Variants in PTPRG observed in about 807,000 individuals in gnomAD.
The protein encoded by PTPRG is protein tyrosine phosphatase receptor type G.
A neutral mutation model predicts 165.3 loss-of-function variants in PTPRG; 102 were observed. That is an observed-to-expected ratio of 0.62 (90% confidence interval 0.53 to 0.73). PTPRG has a LOEUF of 0.73. PTPRG is among the 30% of genes least tolerant of loss of function. PTPRG has a pLI of 0.00. For synonymous variants in PTPRG, 675 were observed against 669.5 expected (o/e 1.01, Z -0.13); for missense variants, 1,866 against 1,861.4 (o/e 1.00, Z -0.05).
chr3:62,158,252 G>A (rs1704615148), intron 7 of PTPRG, among the ~76,000 whole-genome samples: 1 of 152,052 alleles, frequency 6.6e-6, no homozygotes, highest in South Asian at 2.1e-4. Context: ...TTCTTAGGAG[G>A]GACATGTTAG....
At position 62,161,738 on chromosome 3, in the gene PTPRG, T is replaced by C. The variant is rs544097701; in HGVS notation, c.840+4514T>C. ...GGAGGGGCATGGCCCTGCATTTAGC[T>C]AGCTGTTCTTAGATTTTATGTTTGC... On this transcript the variant is annotated intron_variant, in intron 7 of 29. Transcript: ENST00000474889. Among the ~76,000 whole-genome samples, 9 of 152,362 alleles carry C rather than the reference T, an allele frequency of 5.9e-5. No individual in the cohort carries two copies. In the South Asian group the frequency reaches 1.9e-3, roughly 32 times the overall value.
At chr3:61,903,655 T>C (rs1333797505) in intron 2 of PTPRG, among the ~76,000 whole-genome samples, 1 of 152,192 alleles carries the variant, frequency 6.6e-6, no homozygotes, top group Non-Finnish European at 1.5e-5. Context: ...GTTAATTGCG[T>C]GAGCCACCGT....
chr3:61,761,170 C>T (rs538380864), intron 2 of PTPRG, among the ~76,000 whole-genome samples: 29 of 152,270 alleles, frequency 1.9e-4, no homozygotes, highest in African/African-American at 6.3e-4. Flanking sequence ...TTTGAGGAAT[C>T]GCCACACCAT....
chr3:61,768,137 T>A (rs1274355273), intron 2 of PTPRG, among the ~76,000 whole-genome samples: 1 of 152,208 alleles, frequency 6.6e-6, no homozygotes, highest in Non-Finnish European at 1.5e-5. Context: ...GTTACTAGAA[T>A]CCATGTTTAT....
chr3:62,150,892 A>G (rs961624643), intron 6 of PTPRG, among the ~76,000 whole-genome samples: 2 of 152,178 alleles, frequency 1.3e-5, no homozygotes, highest in Non-Finnish European at 2.9e-5. Flanking sequence ...TGTTCAGTGC[A>G]CTTCCACAAT....
chr3:62,087,279 G>T (rs1260972644), intron 5 of PTPRG, among the ~76,000 whole-genome samples: 3 of 152,128 alleles, frequency 2.0e-5, no homozygotes, highest in Non-Finnish European at 4.4e-5. Flanking sequence ...TCAATCCAGC[G>T]ACTTTGTTTT....
At chr3:61,673,715 C>T (rs1421924396) in intron 1 of PTPRG, among the ~76,000 whole-genome samples, 5 of 152,086 alleles carry the variant, frequency 3.3e-5, no homozygotes, top group African/African-American at 9.7e-5. Flanking sequence ...TACCTTATAC[C>T]CAGTAAGTAA....
At chr3:61,975,331 C>T (rs7649496) in intron 2 of PTPRG, among the ~76,000 whole-genome samples, 81,085 of 152,000 alleles carry the variant, frequency 0.53, 22,067 homozygotes, top group African/African-American at 0.65. Flanking sequence ...TGTGAGATGA[C>T]TCTTTGAAAG....
rs968533655 is a variant in PTPRG at position 62,245,449 on chromosome 3, T to C, written c.2467+1551T>C. Among the ~76,000 whole-genome samples the C allele has an allele frequency of 2.6e-5, 4 of 152,180 alleles. No individual in the cohort carries two copies. The highest frequency in any genetic ancestry group is 9.7e-5 in the African/African-American group (4 of 41,448). On this transcript the variant is annotated intron_variant, in intron 15 of 29. Transcript: ENST00000474889. This position sits in a 1 kb window ranked among gnomAD's most constrained non-coding sequence, Gnocchi z 4.2. ...GATTTGTCTGACACAGACTCAGTTG[T>C]TTGGTAGCTGTGTAACTGAAATCCA...
Position 62,191,641 on chromosome 3 carries a change from C to G in PTPRG, c.1206C>G (p.Ser402Arg). The change falls in exon 9 of 30, where the codon AGC becomes AGG. Residue 402 changes from serine (S) to arginine (R), a missense_variant. Physicochemically the swap from Ser to Arg is moderately radical, Grantham distance 110. Around this residue, in one of 3 missense-constraint regions of PTPRG, gnomAD observed 1,452 missense variants for 1,463.0 expected, o/e 0.99. Coordinates refer to ENST00000474889, the MANE Select transcript of PTPRG (RefSeq NM_002841.4). ...DEKEKTFTKD[S>R]DKDLKATISH... ...AGGAGAAGACGTTTACAAAGGACAG[C>G]GACAAAGACTTGGTATGAAGCCCCT... The G allele has an allele frequency of 6.2e-7, 1 of 1,613,956 alleles. No homozygotes were observed.
chr3:62,003,754 T>G (rs17817227), intron 4 of PTPRG, among the ~76,000 whole-genome samples: 30,430 of 152,164 alleles, frequency 0.2, 3,320 homozygotes, highest in Non-Finnish European at 0.25. Context: ...GTTCATCATG[T>G]GTTTCATTTG....
chr3:61,749,172 C>T, intron 2 of PTPRG, 190 bp downstream of exon 2: 2 of 685,578 alleles, frequency 2.9e-6, no homozygotes, highest in South Asian at 3.0e-5. Context: ...ATCTCTACCA[C>T]CTGTTTCCTC....
At chr3:61,659,761 C>T (rs548159187) in intron 1 of PTPRG, among the ~76,000 whole-genome samples, 7 of 152,084 alleles carry the variant, frequency 4.6e-5, no homozygotes, top group African/African-American at 1.2e-4. Flanking sequence ...TTTTCATAAC[C>T]GATTTACCTA....
intron 2 of PTPRG, among the ~76,000 whole-genome samples, chr3:61,805,659 A>G (rs2035392360): frequency 6.6e-6 from 1 of 152,094 alleles, no homozygotes; most frequent in South Asian, 2.1e-4. Flanking sequence ...AGTCTAAGTT[A>G]AAGGGCGTCA....
chr3:62,238,049 A>C (rs778876066), intron 14 of PTPRG, among the ~76,000 whole-genome samples: 12 of 152,382 alleles, frequency 7.9e-5, no homozygotes, highest in Middle Eastern at 3.4e-3. Flanking sequence ...TTGGTCAAGC[A>C]CCAGAAGCAC....
intron 3 of PTPRG, among the ~76,000 whole-genome samples, chr3:61,995,080 C>CTTTTTTTTTT (rs1233679653): frequency 1.0e-4 from 11 of 107,394 alleles, no homozygotes; most frequent in South Asian, 3.1e-4. Context: ...TCTTTTCTTT[C>CTTTTTTTTTT]TTTCTTTTTT....
intron 2 of PTPRG, among the ~76,000 whole-genome samples, chr3:61,977,138 C>T (rs969670247): frequency 3.3e-5 from 5 of 152,102 alleles, no homozygotes; most frequent in East Asian, 1.9e-4. Flanking sequence ...TGATTATGTG[C>T]TCTATGTATA....
At chr3:61,932,153 C>T (rs75580103) in intron 2 of PTPRG, among the ~76,000 whole-genome samples, 2,647 of 152,274 alleles carry the variant, frequency 0.017, 45 homozygotes, top group South Asian at 0.075. Flanking sequence ...AAGTGTGTGT[C>T]AGATGGGGTC....
intron 2 of PTPRG, among the ~76,000 whole-genome samples, chr3:61,766,052 C>G (rs1286278417): frequency 6.6e-6 from 1 of 152,138 alleles, no homozygotes; most frequent in Non-Finnish European, 1.5e-5. Context: ...ATAAAAACGT[C>G]TAATATATCT....
Sources: allele counts gnomAD v4.1 joint callset (sites outside exome capture counted in the v4.1 genomes callset), GRCh38; gene constraint gnomAD v4.1.1; regional missense constraint gnomAD v4.1.1; non-coding constraint Gnocchi (gnomAD v3.1); transcripts MANE v1.5; gene names NCBI Gene and HGNC (gene_info 2026-07-23, HGNC 2026-07-21).